Variants in CXCL13 observed in about 807,000 individuals in gnomAD.
CXCL13 encodes C-X-C motif chemokine ligand 13.
In CXCL13, 7 loss-of-function variants were observed where a neutral mutation model predicts 12.2. That is an observed-to-expected ratio of 0.57 (90% CI 0.33 to 1.07). The LOEUF (loss-of-function observed/expected upper bound fraction) is 1.07. Among genes scored for constraint, CXCL13 ranks in the 50% least tolerant of loss-of-function variants. CXCL13 has a pLI of 0.04. For synonymous variants in CXCL13, 47 were observed against 42.4 expected, an observed-to-expected ratio of 1.11 and a Z score of -0.42; for missense variants, 113 against 127.4, an observed-to-expected ratio of 0.89 and a Z score of 0.55.
intron 1 of CXCL13, among the ~76,000 whole-genome samples, chr4:77,560,951 C>T (rs1457388228): frequency 1.3e-5 from 2 of 152,170 alleles, no homozygotes; most frequent in African/African-American, 4.8e-5. Context: ...TGTCACTCTG[C>T]ACTTCCTCTC....
At position 77,547,807 on chromosome 4, in the gene CXCL13, G is replaced by A. The variant is rs1424268210; in HGVS notation, c.-43+36019G>A. Among the ~76,000 whole-genome samples, 4 of 152,264 alleles carry A rather than the reference G, an allele frequency of 2.6e-5. No homozygotes were observed. The East Asian group carries it at 7.7e-4, about 29-fold the overall frequency. ...TAGCTGGTTATTTTGCTCATCAGTTGATGCAGTTTCTTCCTAGCATTGATG... is the reference window on the plus strand; with the variant it reads ...TAGCTGGTTATTTTGCTCATCAGTTAATGCAGTTTCTTCCTAGCATTGATG... On this transcript the variant is annotated intron_variant, in intron 1 of 4. Coordinates refer to the CXCL13 transcript ENST00000286758.
chr4:77,562,210 G>C (rs1402385825), intron 1 of CXCL13, among the ~76,000 whole-genome samples: 1 of 57,230 alleles, frequency 1.7e-5, no homozygotes, highest in African/African-American at 7.0e-5. Context: ...CCCGCCTACA[G>C]CCACCCCAAC....
chr4:77,564,250 C>T (rs919997769), intron 1 of CXCL13, among the ~76,000 whole-genome samples: 1 of 152,172 alleles, frequency 6.6e-6, no homozygotes, highest in Admixed American at 6.5e-5. Flanking sequence ...TTTCTAGAAA[C>T]TTCTGGCAGT....
At chr4:77,550,255 T>C (rs1725477802) in intron 1 of CXCL13, among the ~76,000 whole-genome samples, 1 of 152,220 alleles carries the variant, frequency 6.6e-6, no homozygotes, top group Non-Finnish European at 1.5e-5. Context: ...GTCATGGCTT[T>C]CCTTGGCTAG....
At chr4:77,598,142 C>T (rs1179082459) in intron 1 of CXCL13, among the ~76,000 whole-genome samples, 1 of 152,186 alleles carries the variant, frequency 6.6e-6, no homozygotes, top group Non-Finnish European at 1.5e-5. Context: ...CAGTATACTG[C>T]CTCCAAAGGA....
Position 77,543,869 on chromosome 4 carries a change from G to A in CXCL13, c.-43+32081G>A, listed in dbSNP as rs562867361. ...CCCACTAACTCGTCATTTACATTAG[G>A]TATTTCTCCTAATGCTATACCTCAC... On this transcript the variant is annotated intron_variant, in intron 1 of 4. Coordinates refer to the CXCL13 transcript ENST00000286758. Among the ~76,000 whole-genome samples, 3 of 151,940 alleles carry A rather than the reference G, an allele frequency of 2.0e-5. No individual in the cohort carries two copies. In the South Asian group the frequency reaches 6.2e-4, roughly 32 times the overall value.
intron 2 of CXCL13, 69 bp downstream of exon 2, chr4:77,607,904 A>G (rs1040757593): frequency 2.7e-6 from 4 of 1,469,364 alleles, no homozygotes; most frequent in East Asian, 2.3e-5. Context: ...GTTACCATAC[A>G]GTAGTCTTAC....
intron 1 of CXCL13, among the ~76,000 whole-genome samples, chr4:77,570,104 C>T (rs1459707669): frequency 1.3e-5 from 2 of 152,162 alleles, no homozygotes; most frequent in Non-Finnish European, 2.9e-5. Flanking sequence ...CCCTTCCTTA[C>T]ACCTTATAAA....
At chr4:77,553,728 C>T (rs755676314) in intron 1 of CXCL13, among the ~76,000 whole-genome samples, 4 of 152,190 alleles carry the variant, frequency 2.6e-5, no homozygotes, top group Non-Finnish European at 5.9e-5. Context: ...TGAAATGAAG[C>T]TCAAAGAGTT....
rs560525030 is a variant in CXCL13, at chr4:77,609,634, A to G, written c.198-980A>G. Among the ~76,000 whole-genome samples the G allele has an allele frequency of 3.2e-4, 49 of 152,112 alleles. 1 individual carries two copies. The highest frequency in any genetic ancestry group is 1.8e-4 in the Non-Finnish European group (12 of 68,030). ...TGTTTGTCATTTTATAACTAAGATA[A>G]ATGACATATAAGGAAATTGTGTTTT... is the stretch of plus-strand genomic sequence containing the variant. On this transcript the variant is annotated intron_variant, in intron 2 of 3. Transcript: ENST00000682537.
upstream of CXCL13, among the ~76,000 whole-genome samples, chr4:77,605,467 T>C (rs1262769737): frequency 3.3e-5 from 5 of 152,160 alleles, no homozygotes; most frequent in Non-Finnish European, 5.9e-5. Context: ...ATATATCTAA[T>C]GCCACTGAGA....
At chr4:77,549,537 G>T (rs1456224548) in intron 1 of CXCL13, among the ~76,000 whole-genome samples, 10 of 152,212 alleles carry the variant, frequency 6.6e-5, no homozygotes, top group Non-Finnish European at 1.3e-4. Flanking sequence ...ATGTTCTTTT[G>T]TTGATGTTGG....
chr4:77,567,082 C>T (rs1470704999), intron 1 of CXCL13, among the ~76,000 whole-genome samples: 1 of 152,214 alleles, frequency 6.6e-6, no homozygotes, highest in Non-Finnish European at 1.5e-5. Flanking sequence ...AATACACCCT[C>T]TCCACCCTTG....
At chr4:77,586,149 T>G (rs1726451687) in intron 1 of CXCL13, among the ~76,000 whole-genome samples, 1 of 152,060 alleles carries the variant, frequency 6.6e-6, no homozygotes, top group Admixed American at 6.6e-5. Context: ...CCTTTTCACA[T>G]TTATCCTGAA....
At chr4:77,547,326 G>A (rs1248734065) in intron 1 of CXCL13, among the ~76,000 whole-genome samples, 9 of 152,144 alleles carry the variant, frequency 5.9e-5, no homozygotes, top group Admixed American at 5.9e-4. Flanking sequence ...TGTTGACAGT[G>A]GGGTGTTTAC....
At chr4:77,514,771 A>G (rs1477607644) in intron 1 of CXCL13, among the ~76,000 whole-genome samples, 1 of 152,066 alleles carries the variant, frequency 6.6e-6, no homozygotes, top group Non-Finnish European at 1.5e-5. Flanking sequence ...GTTCACTCTG[A>G]TGGTAGTTTC....
rs1203900088 is a variant in CXCL13 at position 77,610,629 on chromosome 4, C to G, written c.213C>G (p.Asn71Lys). The G allele has an allele frequency of 1.2e-6, 2 of 1,612,014 alleles. No homozygotes were observed. Among genetic ancestry groups the G allele is most frequent in the Non-Finnish European group, 1.7e-6 (2 of 1,178,188 alleles). Residue 71 changes from asparagine (N) to lysine (K), a missense_variant, in exon 3 of 4, where the codon AAC (asparagine) becomes AAG (lysine). By Grantham distance (94) the Asn-to-Lys change is moderately conservative (BLOSUM62 0). Coordinates refer to ENST00000682537, the MANE Select transcript of CXCL13 (RefSeq NM_001371558.1). ...TTTCCCCCAGAGTCTGGAAGAAGAACAAGTCAATTGTGTGTGTGGACCCTC... is the reference window on the plus strand; with the variant it reads ...TTTCCCCCAGAGTCTGGAAGAAGAAGAAGTCAATTGTGTGTGTGGACCCTC... ...PRKEIIVWKK[N>K]KSIVCVDPQA...
intron 1 of CXCL13, among the ~76,000 whole-genome samples, chr4:77,532,682 CCAAT>C (rs1472534605): frequency 6.6e-6 from 1 of 152,216 alleles, no homozygotes; most frequent in Non-Finnish European, 1.5e-5. Context: ...TTCAGGTACA[CCAAT>C]CAGACGTAGA....
chr4:77,546,304 A>G, intron 1 of CXCL13, among the ~76,000 whole-genome samples: 1 of 152,106 alleles, frequency 6.6e-6, no homozygotes, highest in East Asian at 1.9e-4. Context: ...TATTGATTGG[A>G]ATAGTTTCAG....
Sources: allele counts gnomAD v4.1 joint callset (sites outside exome capture counted in the v4.1 genomes callset), GRCh38; gene constraint gnomAD v4.1.1; transcripts MANE v1.5; gene names NCBI Gene and HGNC (gene_info 2026-07-23, HGNC 2026-07-21).